Variants in PACRGL observed in about 807,000 individuals in gnomAD.
The protein encoded by PACRGL is PACRG-like protein.
Under a neutral mutation model 34.5 loss-of-function variants are expected in PACRGL, and 38 were observed. The observed-to-expected ratio is 1.10, with a 90% CI of 0.85 to 1.44. The LOEUF (loss-of-function observed/expected upper bound fraction) is 1.44, where lower values mean the gene tolerates loss of function less well. Among genes scored for constraint, PACRGL ranks in the 40% most tolerant of loss-of-function variants. The probability of loss-of-function intolerance (pLI) is 0.00; values close to 1 mark genes in which losing one functional copy is unlikely to be tolerated. For missense variants in PACRGL, 305 were observed against 281.4 expected (o/e 1.08, Z -0.60); for synonymous variants, 128 against 100.1 (o/e 1.28, Z -1.66).
chr4:20,744,756 T>C (rs1347340912), intron 8 of PACRGL, among the ~76,000 whole-genome samples: 1 of 151,898 alleles, frequency 6.6e-6, no homozygotes, highest in East Asian at 1.9e-4. Context: ...ACCCTAGAAC[T>C]TAAAGAATAA....
downstream of PACRGL, among the ~76,000 whole-genome samples, chr4:20,754,280 C>G (rs1044618415): frequency 3.3e-5 from 5 of 152,148 alleles, no homozygotes; most frequent in African/African-American, 9.7e-5. Context: ...AGAAAGCTAA[C>G]AGCCTGACAC....
downstream of PACRGL, chr4:20,732,651 T>C (rs137866792): frequency 3.0e-3 from 4,189 of 1,411,606 alleles, 105 homozygotes; most frequent in South Asian, 0.037. Context: ...CCTAACTTCA[T>C]GCCCTCTTGA....
chr4:20,702,915 C>T (rs11936560), intron 1 of PACRGL, among the ~76,000 whole-genome samples: 77,484 of 151,974 alleles, frequency 0.51, 20,385 homozygotes, highest in African/African-American at 0.63. Flanking sequence ...GATCAATGTA[C>T]TAAATCAAGG....
At chr4:20,703,532 C>A (rs1042084804) in intron 1 of PACRGL, among the ~76,000 whole-genome samples, 22 of 145,832 alleles carry the variant, frequency 1.5e-4, no homozygotes, top group Admixed American at 5.5e-4. Context: ...GTATTTCTTG[C>A]TAGAGATACA....
At chr4:20,764,996 C>A in the PACRGL span, among the ~76,000 whole-genome samples, 2 of 152,162 alleles carry the variant, frequency 1.3e-5, no homozygotes, top group Non-Finnish European at 2.9e-5. Context: ...GACATGAGGA[C>A]AATGAGCTTG....
chr4:20,723,545 A>G (rs1744353439), intron 7 of PACRGL, among the ~76,000 whole-genome samples: 1 of 152,102 alleles, frequency 6.6e-6, no homozygotes, highest in Admixed American at 6.5e-5. Context: ...AAAAGGAATC[A>G]CACTGGATCC....
chr4:20,724,857 C>T lies in PACRGL; in HGVS notation c.659C>T (p.Ala220Val). ...AAATTCAAAGAGCCAATCACCAGCG[C>T]ATTACAAAAGCTAGAGCAACATGGT... ...DKKFKEPITS[A>V]LQKLEQHGGS... is the part of the protein sequence containing the mutation. The change falls in exon 8 of 9, where the codon GCA becomes GTA. Residue 220 changes from alanine to valine, a missense_variant. Coordinates refer to ENST00000503585, the MANE Select transcript of PACRGL (RefSeq NM_001258345.3). 2 of 1,495,818 alleles carry T rather than the reference C, an allele frequency of 1.3e-6. No individual in the cohort carries two copies. The highest frequency in any genetic ancestry group is 1.4e-5 in the African/African-American group (1 of 70,912). The allele number at this position is 1,495,818 out of a possible 1,614,324, so 92.7% of individuals were successfully genotyped here.
chr4:20,731,717 T>TTTTATCCTCCA lies in PACRGL; in HGVS notation c.*4378_*4388dup. 4.1e-6 allele frequency: 4 copies of TTTTATCCTCCA among 985,090 alleles called. No homozygotes were observed. The highest frequency in any genetic ancestry group is 4.8e-6 in the Non-Finnish European group (4 of 829,624). The allele number at this position is 985,090 out of a possible 1,614,324, so 61.0% of individuals were successfully genotyped here. A position where few individuals can be genotyped will look rare whatever the true frequency, so the allele number is the denominator to read the frequency against. On this transcript the variant is annotated 3_prime_UTR_variant, in exon 9 of 9. Transcript: ENST00000503585. ...AAGAGCAATTCAAATCTCATGTATG[T>TTTTATCCTCCA]TTTATCCTCCATGAATACTCTCTAA...
intron 8 of PACRGL, among the ~76,000 whole-genome samples, chr4:20,745,605 T>C (rs951406794): frequency 2.0e-5 from 3 of 152,130 alleles, no homozygotes; most frequent in Admixed American, 2.0e-4. Flanking sequence ...TTCCCTAAAG[T>C]ACAAAAAATG....
rs1318190067 is a variant in PACRGL, at chr4:20,728,859, C to CAAA, written c.*1520_*1522dup. On this transcript the variant is annotated 3_prime_UTR_variant, in exon 9 of 9. Coordinates refer to ENST00000503585, the MANE Select transcript of PACRGL (RefSeq NM_001258345.3). The stretch of plus-strand genomic sequence containing the variant: ...CCTCTTGGTCTTTGTGATATTTCTA[C>CAAA]AAAACAGGGACGATGTGTGTGGCTT... 6.6e-6 allele frequency: 1 copy of CAAA among 152,456 alleles called. No homozygotes were observed. Among genetic ancestry groups the CAAA allele is most frequent in the East Asian group, 1.9e-4 (1 of 5,180 alleles). The allele number at this position is 152,456 out of a possible 1,614,324, so 9.4% of individuals were successfully genotyped here. A position where few individuals can be genotyped will look rare whatever the true frequency, so the allele number is the denominator to read the frequency against.
downstream of PACRGL, among the ~76,000 whole-genome samples, chr4:20,735,613 T>TCCACCTC (rs1323223363): frequency 1.3e-5 from 2 of 149,316 alleles, no homozygotes; most frequent in African/African-American, 5.0e-5. Context: ...CACTGCAACT[T>TCCACCTC]CCACCTCCCA....
rs202208252 is a variant in PACRGL, at chr4:20,732,048, A to G, written c.*4707A>G. On this transcript the variant is annotated 3_prime_UTR_variant, in exon 9 of 9. Transcript: ENST00000503585. ...TGAACTCATCTATGGTAACAACCCC[A>G]TCTTTATTTTTGTCCATTTTCTGTT... 7.3e-5 allele frequency: 118 copies of G among 1,612,424 alleles called. No homozygotes were observed. The highest frequency in any genetic ancestry group is 8.8e-5 in the Non-Finnish European group (104 of 1,179,464).
chr4:20,708,524 A>G (rs1424796148), intron 4 of PACRGL, among the ~76,000 whole-genome samples: 1 of 152,204 alleles, frequency 6.6e-6, no homozygotes, highest in Non-Finnish European at 1.5e-5. Flanking sequence ...AAATAAGCTC[A>G]AGAAATACTC....
Position 20,724,799 on chromosome 4 carries a change from C to G in PACRGL, c.610-9C>G. Reference sequence around the variant, plus strand: ...GTCATTTCGTTTCCCCCTAATCTTACTTTAAAAGCTTTCCAAGAGATTAAT... The same window carrying G: ...GTCATTTCGTTTCCCCCTAATCTTAGTTTAAAAGCTTTCCAAGAGATTAAT... On this transcript the variant is annotated splice_polypyrimidine_tract_variant and intron_variant, in intron 7 of 8. Transcript: ENST00000503585. The G allele has an allele frequency of 6.9e-7, 1 of 1,457,564 alleles. No individual in the cohort carries two copies. Among genetic ancestry groups the G allele is most frequent in the Non-Finnish European group, 9.0e-7 (1 of 1,108,938 alleles). 90.3% of individuals were successfully genotyped at this position (1,457,564 alleles called of 1,614,324 possible). A position where few individuals can be genotyped will look rare whatever the true frequency, so the allele number is the denominator to read the frequency against.
the PACRGL span, among the ~76,000 whole-genome samples, chr4:20,765,747 T>C: frequency 2.6e-5 from 4 of 152,212 alleles, no homozygotes; most frequent in African/African-American, 9.6e-5. Context: ...CACTGTGATA[T>C]GATCACAACA....
At chr4:20,710,425 A>T (rs1185596299) in intron 5 of PACRGL, among the ~76,000 whole-genome samples, 2 of 152,230 alleles carry the variant, frequency 1.3e-5, no homozygotes, top group Non-Finnish European at 2.9e-5. Context: ...TGAATTAACC[A>T]GTTGTCTTGT....
At chr4:20,696,825 A>G (rs543251645), upstream of PACRGL, among the ~76,000 whole-genome samples, 1 of 152,362 alleles carries the variant, frequency 6.6e-6, no homozygotes, top group South Asian at 2.1e-4. Context: ...AATGTGCTAT[A>G]CATGTAAAAT....
At chr4:20,733,435 T>G (rs1429556165), downstream of PACRGL, among the ~76,000 whole-genome samples, 1 of 152,206 alleles carries the variant, frequency 6.6e-6, no homozygotes, top group East Asian at 1.9e-4. Flanking sequence ...AACATTTAGA[T>G]TTATTGTTGC....
chr4:20,740,326 C>T (rs545983267), intron 8 of PACRGL, among the ~76,000 whole-genome samples: 157 of 152,004 alleles, frequency 1.0e-3, no homozygotes, highest in African/African-American at 3.5e-3. Context: ...TTAAGGGCAG[C>T]CAGGGAGGTC....
Sources: gnomAD v4.1 joint callset for allele counts (sites outside exome capture counted in the v4.1 genomes callset) on GRCh38, gnomAD v4.1.1 for gene constraint, MANE v1.5 for transcripts, NCBI Gene and HGNC (gene_info 2026-07-23, HGNC 2026-07-21) for gene names.